THADA: variants seen among roughly 807,000 people sequenced by gnomAD.
The protein encoded by THADA is THADA armadillo repeat containing.
A neutral mutation model predicts 219.8 loss-of-function variants in THADA; 213 were observed. The ratio of observed to expected loss-of-function variants is 0.97; its 90% CI spans 0.87 to 1.09. The LOEUF (loss-of-function observed/expected upper bound fraction) is 1.09, where lower values mean the gene tolerates loss of function less well. Among genes scored for constraint, THADA ranks in the 50% least tolerant of loss-of-function variants. THADA has a pLI of 0.00. For missense variants in THADA, 2,956 were observed against 2,311.3 expected (o/e 1.28, Z -5.72); for synonymous variants, 1,018 against 828.9 (o/e 1.23, Z -3.92).
In THADA at chr2:43,470,634, A is replaced by C. The variant is rs1236151254; in HGVS notation, c.3836+14600T>G. ...AATGAGAAAATGACAGGAAAATGCA[A>C]CAAAATGCTAACAAAAATTGTATTT... On this transcript the variant is annotated intron_variant, in intron 26 of 37. Transcript: ENST00000405975. Among the ~76,000 whole-genome samples, 2 of 152,232 alleles carry C rather than the reference A, an allele frequency of 1.3e-5. 1 individual carries two copies. Among genetic ancestry groups the C allele is most frequent in the Non-Finnish European group, 2.9e-5 (2 of 68,046 alleles).
At chr2:43,424,325 A>C (rs1218627475) in intron 28 of THADA, among the ~76,000 whole-genome samples, 1 of 152,220 alleles carries the variant, frequency 6.6e-6, no homozygotes. Flanking sequence ...TTTAGCAGTC[A>C]GAGCAACCTT....
intron 22 of THADA, among the ~76,000 whole-genome samples, chr2:43,513,837 G>A (rs1045324853): frequency 1.3e-5 from 2 of 152,102 alleles, no homozygotes; most frequent in African/African-American, 4.8e-5. Context: ...GGAGCAGTCT[G>A]ACAAAAACCT....
At chr2:43,428,038 A>G in intron 28 of THADA, 62 bp downstream of exon 28, 5 of 1,245,734 alleles carry the variant, frequency 4.0e-6, no homozygotes, top group Non-Finnish European at 5.4e-6. Context: ...TAAGAAGAAG[A>G]TAAAATATTC....
chr2:43,283,951 G>T (rs1256767108), intron 35 of THADA, among the ~76,000 whole-genome samples: 1 of 152,208 alleles, frequency 6.6e-6, no homozygotes, highest in Non-Finnish European at 1.5e-5. Context: ...GGCTGAGATG[G>T]GTGGATTGCC....
At chr2:43,385,237 G>A (rs1672505400) in intron 29 of THADA, among the ~76,000 whole-genome samples, 1 of 152,132 alleles carries the variant, frequency 6.6e-6, no homozygotes, top group Admixed American at 6.5e-5. Context: ...GAAAAAATCA[G>A]TTATAAAGCA....
chr2:43,248,160 TATATAGAGAGAG>T (rs1191626624), intron 36 of THADA, among the ~76,000 whole-genome samples: 287 of 52,648 alleles, frequency 5.5e-3, no homozygotes, highest in Non-Finnish European at 6.1e-3. Context: ...TATATATATA[TATATAGAGAGAG>T]AGAGAGAGAG....
intron 36 of THADA, among the ~76,000 whole-genome samples, chr2:43,260,129 GC>G (rs923041577): frequency 2.6e-4 from 40 of 152,104 alleles, no homozygotes; most frequent in Admixed American, 6.5e-5. Context: ...GATTACAAGT[GC>G]CCGCCACCAC....
At chr2:43,380,533 G>A (rs989859425) in intron 29 of THADA, among the ~76,000 whole-genome samples, 4 of 152,236 alleles carry the variant, frequency 2.6e-5, no homozygotes, top group Non-Finnish European at 5.9e-5. Flanking sequence ...ATGAACTCTT[G>A]TTTAGCTTAA....
intron 31 of THADA, among the ~76,000 whole-genome samples, chr2:43,305,269 G>C (rs1380886391): frequency 2.6e-5 from 4 of 152,114 alleles, no homozygotes; most frequent in African/African-American, 9.7e-5. Context: ...TTATCAAAGG[G>C]AAATTCCACT....
chr2:43,303,116 T>C (rs1254781715), intron 31 of THADA, among the ~76,000 whole-genome samples: 1 of 152,162 alleles, frequency 6.6e-6, no homozygotes, highest in Non-Finnish European at 1.5e-5. Context: ...GCATAACTAT[T>C]AGGAACCTCT....
At chr2:43,501,336 A>G (rs957791100) in intron 24 of THADA, among the ~76,000 whole-genome samples, 3 of 136,174 alleles carry the variant, frequency 2.2e-5, no homozygotes, top group African/African-American at 9.5e-5. Flanking sequence ...AAAAAAAAAA[A>G]AAAGAGAGAC....
At chr2:43,260,503 G>A (rs1670815173) in intron 36 of THADA, among the ~76,000 whole-genome samples, 1 of 152,152 alleles carries the variant, frequency 6.6e-6, no homozygotes, top group African/African-American at 2.4e-5. Flanking sequence ...CTACTTGGGA[G>A]GCTGAGGTGG....
At chr2:43,588,986 A>G (rs1169448801) in intron 4 of THADA, among the ~76,000 whole-genome samples, 2 of 152,222 alleles carry the variant, frequency 1.3e-5, no homozygotes, top group Non-Finnish European at 2.9e-5. Context: ...TGGTATATTC[A>G]TATTACAGAA....
chr2:43,520,713 T>TATATATATATATAC (rs1218079783), intron 22 of THADA, among the ~76,000 whole-genome samples: 2 of 125,050 alleles, frequency 1.6e-5, no homozygotes, highest in African/African-American at 3.0e-5. Flanking sequence ...TATATATATA[T>TATATATATATATAC]ACACACACAC....
intron 28 of THADA, among the ~76,000 whole-genome samples, 187 bp downstream of exon 28, chr2:43,427,913 G>A (rs1471622924): frequency 3.3e-5 from 5 of 149,272 alleles, no homozygotes; most frequent in African/African-American, 7.3e-5. Context: ...CCGAGATCGC[G>A]CCACTGCACT....
intron 29 of THADA, among the ~76,000 whole-genome samples, chr2:43,381,326 A>C (rs1391044093): frequency 5.9e-5 from 9 of 152,088 alleles, no homozygotes; most frequent in African/African-American, 2.2e-4. Flanking sequence ...CAAATAAATA[A>C]ATGGGAGAGA....
chr2:43,344,697 A>C (rs573292256), intron 29 of THADA, among the ~76,000 whole-genome samples: 114 of 152,370 alleles, frequency 7.5e-4, no homozygotes, highest in African/African-American at 2.6e-3. Flanking sequence ...TGGCTAAAGA[A>C]GTAGGTCAAA....
At chr2:43,499,023 C>G in intron 24 of THADA, 68 bp from the exon 25 acceptor site, 1 of 1,464,970 alleles carries the variant, frequency 6.8e-7, no homozygotes, top group Admixed American at 2.6e-5. Flanking sequence ...TACACATATC[C>G]AATAGTACAG....
At chr2:43,412,985 G>C (rs973568095) in intron 28 of THADA, among the ~76,000 whole-genome samples, 4 of 152,122 alleles carry the variant, frequency 2.6e-5, no homozygotes, top group Non-Finnish European at 5.9e-5. Flanking sequence ...ATAGGCATGA[G>C]TGCATGAGTT....
Sources: allele counts gnomAD v4.1 joint callset (sites outside exome capture counted in the v4.1 genomes callset), GRCh38; gene constraint gnomAD v4.1.1; transcripts MANE v1.5; gene names NCBI Gene and HGNC (gene_info 2026-07-23, HGNC 2026-07-21).